The following DTNA variants were observed in gnomAD, a reference collection of about 807,000 sequenced individuals.
DTNA encodes dystrophin-related protein 3.
DTNA carries 43 observed loss-of-function variants against 100.7 expected under a neutral mutation model. That is an observed-to-expected ratio of 0.43 (90% confidence interval 0.33 to 0.55). DTNA has a LOEUF of 0.55. Among genes scored for constraint, DTNA ranks in the 20% least tolerant of loss-of-function variants. The pLI, the probability that DTNA is intolerant of heterozygous loss-of-function variation, is 0.04. For missense variants in DTNA, 798 were observed against 953.9 expected, an observed-to-expected ratio of 0.84 and a Z score of 2.15; for synonymous variants, 349 against 347.9, an observed-to-expected ratio of 1.00 and a Z score of -0.04.
intron 1 of DTNA, among the ~76,000 whole-genome samples, chr18:34,689,367 C>T (rs1258068714): frequency 1.3e-5 from 2 of 152,098 alleles, no homozygotes; most frequent in East Asian, 1.9e-4. Context: ...GATGCTATTG[C>T]TTTCTGATTG....
chr18:34,628,425 A>G (rs976398145), intron 1 of DTNA, among the ~76,000 whole-genome samples: 1 of 152,198 alleles, frequency 6.6e-6, no homozygotes, highest in African/African-American at 2.4e-5. Flanking sequence ...ATGACATGCA[A>G]TTTTATAAAG....
At chr18:34,604,284 T>G (rs1341962723) in intron 1 of DTNA, among the ~76,000 whole-genome samples, 3 of 152,164 alleles carry the variant, frequency 2.0e-5, no homozygotes, top group Non-Finnish European at 2.9e-5. Flanking sequence ...GATAAATCAA[T>G]ACTTTAAAAA....
At chr18:34,689,836 G>A (rs1206107794) in intron 1 of DTNA, among the ~76,000 whole-genome samples, 5 of 152,204 alleles carry the variant, frequency 3.3e-5, no homozygotes, top group Non-Finnish European at 5.9e-5. Flanking sequence ...TTTCAGAGAT[G>A]CCCTGCCCAG....
chr18:34,729,100 G>A (rs1475423058), intron 1 of DTNA, among the ~76,000 whole-genome samples: 1 of 152,146 alleles, frequency 6.6e-6, no homozygotes, highest in African/African-American at 2.4e-5. Flanking sequence ...AAGAGAGTAT[G>A]ATGTCAATGT....
At chr18:34,827,854 G>A (rs553891821) in intron 10 of DTNA, among the ~76,000 whole-genome samples, 178 bp downstream of exon 10, 6 of 152,196 alleles carry the variant, frequency 3.9e-5, no homozygotes, top group Admixed American at 6.5e-5. Context: ...AGAGGGGTAG[G>A]GTGGCTTTGG....
chr18:34,887,451 T>G (rs2096932054), intron 22 of DTNA, among the ~76,000 whole-genome samples: 1 of 152,168 alleles, frequency 6.6e-6, no homozygotes, highest in Non-Finnish European at 1.5e-5. Flanking sequence ...GGTCACTGGT[T>G]TTATCTCTTT....
intron 3 of DTNA, among the ~76,000 whole-genome samples, chr18:34,788,770 C>T (rs1212439153): frequency 3.9e-5 from 6 of 152,188 alleles, no homozygotes; most frequent in Non-Finnish European, 8.8e-5. Flanking sequence ...TCTTTTACTT[C>T]ACCCACATAA....
intron 1 of DTNA, among the ~76,000 whole-genome samples, chr18:34,510,326 G>T (rs926360932): frequency 2.6e-5 from 4 of 151,656 alleles, no homozygotes; most frequent in African/African-American, 9.7e-5. Flanking sequence ...TCATCCCTCA[G>T]TACCCCGACT....
chr18:34,503,622 G>A (rs1045426396), intron 1 of DTNA, among the ~76,000 whole-genome samples: 4 of 151,808 alleles, frequency 2.6e-5, no homozygotes, highest in African/African-American at 9.7e-5. Context: ...GCTAATATCT[G>A]TCTTTTAATT....
At chr18:34,584,642 A>T (rs2048948059) in intron 1 of DTNA, among the ~76,000 whole-genome samples, 2 of 152,182 alleles carry the variant, frequency 1.3e-5, no homozygotes. Flanking sequence ...GAGGTCAGAA[A>T]TTGCTAAAAG....
chr18:34,561,441 G>A (rs562267642), intron 1 of DTNA, among the ~76,000 whole-genome samples: 4 of 152,170 alleles, frequency 2.6e-5, no homozygotes, highest in Admixed American at 2.6e-4. Context: ...TGAAGTACTG[G>A]TGAAATAACT....
intron 1 of DTNA, among the ~76,000 whole-genome samples, chr18:34,585,701 A>ATCCT (rs1480725269): frequency 4.6e-5 from 7 of 152,260 alleles, no homozygotes; most frequent in South Asian, 4.2e-4. Context: ...TAGGAGGCCA[A>ATCCT]AAGGTAATAT....
chr18:34,771,834 G>T (rs2093789192), intron 3 of DTNA, among the ~76,000 whole-genome samples: 1 of 151,992 alleles, frequency 6.6e-6, no homozygotes, highest in African/African-American at 2.4e-5. Context: ...CTCTTATAAG[G>T]ATATATAAAA....
chr18:34,707,541 A>G (rs1451218710), upstream of DTNA, among the ~76,000 whole-genome samples: 5 of 152,178 alleles, frequency 3.3e-5, no homozygotes. Context: ...CAATCATATT[A>G]AATGCTCTAG....
chr18:34,668,905 G>A (rs2076334211), intron 1 of DTNA, among the ~76,000 whole-genome samples: 2 of 152,306 alleles, frequency 1.3e-5, no homozygotes, highest in South Asian at 4.1e-4. Flanking sequence ...ATATTCTGTT[G>A]ATTTGGGGTG....
chr18:34,836,423 G>A lies in DTNA; in HGVS notation c.1176-1671G>A, dbSNP rs2096145747. On this transcript the variant is annotated intron_variant, in intron 11 of 22. Transcript: ENST00000444659. ...ATTCCAGCACTTTGGGAGGCCGAGG[G>A]GGGCAGATCACTTGAGGTCGGGAGT... Among the ~76,000 whole-genome samples the A allele has an allele frequency of 2.6e-5, 4 of 152,006 alleles. No individual in the cohort carries two copies. In the South Asian group the frequency reaches 8.3e-4, roughly 32 times the overall value.
intron 1 of DTNA, among the ~76,000 whole-genome samples, chr18:34,723,949 C>T (rs2085988449): frequency 6.6e-6 from 1 of 151,936 alleles, no homozygotes; most frequent in African/African-American, 2.4e-5. Context: ...AAATATTAAA[C>T]TTCACTCTTA....
At chr18:34,689,744 C>T (rs182137835) in intron 1 of DTNA, among the ~76,000 whole-genome samples, 179 of 152,330 alleles carry the variant, frequency 1.2e-3, no homozygotes, top group Middle Eastern at 3.4e-3. Context: ...GCTGCGCCCA[C>T]AGCTGCCCCC....
intron 1 of DTNA, among the ~76,000 whole-genome samples, chr18:34,646,691 A>G (rs1386975677): frequency 1.3e-5 from 2 of 152,014 alleles, no homozygotes; most frequent in Non-Finnish European, 2.9e-5. Flanking sequence ...TACTAGTTTT[A>G]TTATTCTTAT....
Sources: gnomAD v4.1 joint callset for allele counts (sites outside exome capture counted in the v4.1 genomes callset) on GRCh38, gnomAD v4.1.1 for gene constraint, MANE v1.5 for transcripts, NCBI Gene and HGNC (gene_info 2026-07-23, HGNC 2026-07-21) for gene names.